The following RAB33A variants were observed in gnomAD, a reference collection of about 807,000 sequenced individuals.
RAB33A encodes the protein RAB33A, member RAS oncogene family.
In RAB33A, 6 loss-of-function variants were observed where a neutral mutation model predicts 12.0. The ratio of observed to expected loss-of-function variants is 0.50; its 90% CI spans 0.27 to 0.99. The LOEUF (loss-of-function observed/expected upper bound fraction) is 0.99. Ranked by LOEUF, RAB33A falls within the 50% of genes least tolerant of loss-of-function variation. The pLI is 0.11. For synonymous variants in RAB33A, 70 were observed against 82.4 expected (o/e 0.85, Z 0.81); for missense variants, 109 against 192.0 (o/e 0.57, Z 2.55).
At chrX:130,126,382 C>G in the RAB33A span, among the ~76,000 whole-genome samples, 1 of 110,453 alleles carries the variant, frequency 9.1e-6, no homozygotes, top group South Asian at 3.9e-4. Context: ...ATCCCAGCTA[C>G]CCGGGAGGCT....
At chrX:130,146,449 A>ATGTG in the RAB33A span, among the ~76,000 whole-genome samples, 4 of 65,140 alleles carry the variant, frequency 6.1e-5, no homozygotes, top group African/African-American at 2.2e-4. Flanking sequence ...GTCTCTCAAA[A>ATGTG]TATGTGTGTG....
the RAB33A span, chrX:130,136,959 A>T: frequency 8.5e-7 from 1 of 1,182,299 alleles, no homozygotes; most frequent in Non-Finnish European, 1.1e-6. Context: ...AGAATGGTGG[A>T]AACATTTTAC....
chrX:130,145,630 T>C, the RAB33A span: 3 of 904,003 alleles, frequency 3.3e-6, no homozygotes, highest in Admixed American at 4.6e-5. Flanking sequence ...GCTTCCCCCG[T>C]AGCTTTAATA....
At chrX:130,150,307 T>C in the RAB33A span, among the ~76,000 whole-genome samples, 1 of 107,335 alleles carries the variant, frequency 9.3e-6, no homozygotes, top group African/African-American at 3.4e-5. Flanking sequence ...TAACATACAG[T>C]ACCAGAGTTT....
the RAB33A span, among the ~76,000 whole-genome samples, chrX:130,153,847 T>A: frequency 7.1e-5 from 8 of 112,053 alleles, no homozygotes; most frequent in Non-Finnish European, 1.9e-5. Context: ...TTCAGAACTA[T>A]GAGAAAATAA....
At chrX:130,172,383 G>C (rs1245383522) in intron 1 of RAB33A, 63 bp downstream of exon 1, 3 of 1,128,752 alleles carry the variant, frequency 2.7e-6, no homozygotes, top group Non-Finnish European at 3.5e-6. Context: ...CCGAGGCATA[G>C]CTCTAGCGGT....
the RAB33A span, chrX:130,137,797 T>G: frequency 1.0e-6 from 1 of 954,112 alleles, no homozygotes; most frequent in Admixed American, 5.0e-5. Context: ...GTGCAGTGAC[T>G]CACACCTATA....
the RAB33A span, chrX:130,155,368 C>G: frequency 9.0e-7 from 1 of 1,116,097 alleles, no homozygotes; most frequent in Non-Finnish European, 1.2e-6. Flanking sequence ...AATACAAAGG[C>G]AGAGAAGCAG....
the RAB33A span, among the ~76,000 whole-genome samples, chrX:130,113,415 C>G: frequency 2.4e-5 from 2 of 81,886 alleles, no homozygotes; most frequent in African/African-American, 1.1e-4. Flanking sequence ...CAGTTATACT[C>G]TTTTAGTTTA....
At chrX:130,175,424 GC>G (rs2031654154) in intron 1 of RAB33A, among the ~76,000 whole-genome samples, 1 of 110,105 alleles carries the variant, frequency 9.1e-6, no homozygotes, top group Non-Finnish European at 1.9e-5. Context: ...ATAGCCCAAG[GC>G]CCCCAGGAGC....
the RAB33A span, among the ~76,000 whole-genome samples, chrX:130,153,579 G>A: frequency 9.0e-6 from 1 of 111,287 alleles, no homozygotes; most frequent in African/African-American, 3.3e-5. Flanking sequence ...CTATGTGATG[G>A]TATTTGGCAA....
At chrX:130,139,852 C>T in the RAB33A span, 79 of 1,209,082 alleles carry the variant, frequency 6.5e-5, no homozygotes, top group Non-Finnish European at 8.4e-5. Flanking sequence ...CAATGGCAGA[C>T]AGACTTCTTG....
At chrX:130,139,479 T>C in the RAB33A span, among the ~76,000 whole-genome samples, 1 of 111,748 alleles carries the variant, frequency 8.9e-6, no homozygotes, top group African/African-American at 3.3e-5. Flanking sequence ...GCACTTGCAA[T>C]GAAAAATGCC....
the RAB33A span, among the ~76,000 whole-genome samples, chrX:130,123,434 G>A: frequency 9.0e-6 from 1 of 111,397 alleles, no homozygotes; most frequent in South Asian, 3.8e-4. Context: ...GGTGGCTCAC[G>A]CCTGTAATCC....
At chrX:130,123,390 A>G in the RAB33A span, among the ~76,000 whole-genome samples, 14 of 111,742 alleles carry the variant, frequency 1.3e-4, no homozygotes, top group East Asian at 3.9e-3. Flanking sequence ...AAGAGGAAAC[A>G]CAGGGAAAAG....
the RAB33A span, among the ~76,000 whole-genome samples, chrX:130,129,163 C>T: frequency 1.8e-5 from 2 of 110,811 alleles, no homozygotes; most frequent in Non-Finnish European, 3.8e-5. Flanking sequence ...TGTTGTGGGC[C>T]GAGGCCACAG....
chrX:130,114,420 A>T, the RAB33A span, among the ~76,000 whole-genome samples: 3 of 111,135 alleles, frequency 2.7e-5, no homozygotes, highest in African/African-American at 9.8e-5. Context: ...CTCCTTCCCC[A>T]CACGGCTCGC....
At chrX:130,155,476 G>A in the RAB33A span, among the ~76,000 whole-genome samples, 3 of 112,275 alleles carry the variant, frequency 2.7e-5, no homozygotes, top group Admixed American at 9.4e-5. Flanking sequence ...GACAGCTCTC[G>A]CCTATTTCTT....
At chrX:130,157,263 T>C in the RAB33A span, among the ~76,000 whole-genome samples, 23 of 112,553 alleles carry the variant, frequency 2.0e-4, no homozygotes, top group Admixed American at 1.9e-4. Context: ...ACAAAGGTTA[T>C]TTTGACGTAA....
Sources: allele counts gnomAD v4.1 joint callset (sites outside exome capture counted in the v4.1 genomes callset), GRCh38; gene constraint gnomAD v4.1.1; transcripts MANE v1.5; gene names NCBI Gene and HGNC (gene_info 2026-07-23, HGNC 2026-07-21).